YIPF1: variants seen among roughly 807,000 people sequenced by gnomAD.
YIPF1 encodes the protein protein YIPF1.
YIPF1 carries 22 observed loss-of-function variants against 37.0 expected under a neutral mutation model. The observed-to-expected ratio is 0.59, with a 90% CI of 0.42 to 0.85. The LOEUF is 0.85. Among genes scored for constraint, YIPF1 ranks in the 40% least tolerant of loss-of-function variants. YIPF1 has a pLI of 0.00. For synonymous variants in YIPF1, 128 were observed against 131.9 expected (o/e 0.97, Z 0.21); for missense variants, 355 against 373.1 (o/e 0.95, Z 0.40).
At chr1:53,861,198 C>T (rs1365048363) in intron 9 of YIPF1, among the ~76,000 whole-genome samples, 1 of 152,182 alleles carries the variant, frequency 6.6e-6, no homozygotes, top group Admixed American at 6.5e-5. Context: ...CCCAAAGCAA[C>T]TCTATTACTT....
At chr1:53,859,781 T>C (rs982842192) in intron 10 of YIPF1, among the ~76,000 whole-genome samples, 26 of 152,216 alleles carry the variant, frequency 1.7e-4, no homozygotes, top group Admixed American at 1.4e-3. Flanking sequence ...GAGAGTCCCC[T>C]CTACTGGGAC....
intron 3 of YIPF1, among the ~76,000 whole-genome samples, chr1:53,888,313 T>A (rs1650710238): frequency 6.6e-6 from 1 of 152,208 alleles, no homozygotes; most frequent in African/African-American, 2.4e-5. Context: ...CTCCTTGAAC[T>A]TTTCCTCCAG....
intron 3 of YIPF1, among the ~76,000 whole-genome samples, chr1:53,887,263 G>A (rs1018732134): frequency 7.2e-5 from 11 of 151,750 alleles, no homozygotes; most frequent in African/African-American, 2.7e-4. Context: ...TATTTTTAGT[G>A]GAGACAGGGT....
intron 4 of YIPF1, among the ~76,000 whole-genome samples, chr1:53,879,592 G>A (rs898855982): frequency 1.3e-5 from 2 of 152,222 alleles, no homozygotes; most frequent in African/African-American, 4.8e-5. Context: ...GTGGCAGAAT[G>A]CATGCCCAAT....
intron 10 of YIPF1, among the ~76,000 whole-genome samples, chr1:53,854,760 TC>T (rs1649679836): frequency 6.6e-6 from 1 of 152,178 alleles, no homozygotes; most frequent in Non-Finnish European, 1.5e-5. Context: ...AGTAAAGATT[TC>T]CCAAGTAACC....
chr1:53,878,062 A>G (rs1269778333), intron 6 of YIPF1, among the ~76,000 whole-genome samples: 1 of 152,234 alleles, frequency 6.6e-6, no homozygotes, highest in East Asian at 1.9e-4. Context: ...GATTATAGGC[A>G]TGAGCCACTG....
At chr1:53,878,954 C>T (rs1317824673) in intron 4 of YIPF1, among the ~76,000 whole-genome samples, 3 of 152,176 alleles carry the variant, frequency 2.0e-5, no homozygotes, top group Non-Finnish European at 4.4e-5. Context: ...GGCCCCTCCA[C>T]TGAGGGGAGC....
chr1:53,862,786 A>G (rs1649918086), intron 9 of YIPF1, among the ~76,000 whole-genome samples: 1 of 152,132 alleles, frequency 6.6e-6, no homozygotes, highest in South Asian at 2.1e-4. Context: ...TGCTGCATAT[A>G]TCATTCAATC....
At chr1:53,883,068 A>G in intron 4 of YIPF1, 45 bp downstream of exon 4, 1 of 1,526,326 alleles carries the variant, frequency 6.6e-7, no homozygotes, top group Non-Finnish European at 8.8e-7. Flanking sequence ...CACATAAACA[A>G]GCTTTAAAAA....
intron 7 of YIPF1, among the ~76,000 whole-genome samples, chr1:53,869,895 C>A (rs902405616): frequency 7.4e-6 from 1 of 134,264 alleles, no homozygotes; most frequent in Non-Finnish European, 1.5e-5. Context: ...TTTTTTGAGA[C>A]AGAGTCTCTC....
At chr1:53,865,530 T>A (rs1489573447) in intron 9 of YIPF1, among the ~76,000 whole-genome samples, 1 of 152,170 alleles carries the variant, frequency 6.6e-6, no homozygotes, top group East Asian at 1.9e-4. Flanking sequence ...GTACACCATT[T>A]TTATATAGAG....
chr1:53,866,672 T>A, intron 8 of YIPF1, 86 bp downstream of exon 8: 1 of 1,458,334 alleles, frequency 6.9e-7, no homozygotes, highest in Non-Finnish European at 9.3e-7. Flanking sequence ...GCGCTGGAAA[T>A]AATGATGGTA....
chr1:53,885,248 A>T (rs566056627), intron 3 of YIPF1, among the ~76,000 whole-genome samples: 2 of 152,348 alleles, frequency 1.3e-5, no homozygotes, highest in South Asian at 2.1e-4. Flanking sequence ...GGGCAATGAC[A>T]TTTAAAAAGA....
Position 53,864,142 on chromosome 1 carries a change from T to C in YIPF1, c.831+2058A>G, listed in dbSNP as rs1334130129. Among the ~76,000 whole-genome samples the C allele has an allele frequency of 2.6e-5, 4 of 152,296 alleles. No homozygotes were observed. In the South Asian group the frequency reaches 6.2e-4, roughly 24 times the overall value. ...GAAATGAGAAGGGCAATGCCTCCTC[T>C]CCTGCCTCCTTCTCCTCACCAACTT... On this transcript the variant is annotated intron_variant, in intron 9 of 10. Transcript: ENST00000072644.
At chr1:53,867,435 C>T (rs1369661451) in intron 7 of YIPF1, among the ~76,000 whole-genome samples, 3 of 142,852 alleles carry the variant, frequency 2.1e-5, no homozygotes, top group Non-Finnish European at 3.0e-5. Context: ...TGCAGTGGCG[C>T]GATCTAGGCT....
chr1:53,876,462 C>G (rs538747434), intron 6 of YIPF1, among the ~76,000 whole-genome samples: 1 of 152,314 alleles, frequency 6.6e-6, no homozygotes, highest in South Asian at 2.1e-4. Context: ...AAAACCTAAT[C>G]CTCTCTGCTA....
rs1486397439 is a variant in YIPF1 at position 53,866,925 on chromosome 1, C to CT, written c.482-2dup. The CT allele has an allele frequency of 1.2e-6, 2 of 1,606,684 alleles. No individual in the cohort carries two copies. Among genetic ancestry groups the CT allele is most frequent in the East Asian group, 4.5e-5 (2 of 44,852 alleles). ...TAGATGATGGTAGCTGCTATGGACA[C>CT]TGAGGATGACAGGACACAAGTTTCA... On this transcript the variant is annotated splice_acceptor_variant, in intron 7 of 10. Coordinates refer to ENST00000072644, the MANE Select transcript of YIPF1 (RefSeq NM_018982.5). LOFTEE classifies it high-confidence loss of function.
At chr1:53,863,079 C>A (rs564512275) in intron 9 of YIPF1, among the ~76,000 whole-genome samples, 3 of 152,190 alleles carry the variant, frequency 2.0e-5, no homozygotes, top group Non-Finnish European at 2.9e-5. Context: ...GAAAACTGAG[C>A]CTTCCTCTCC....
chr1:53,865,975 T>A (rs2100726436), intron 9 of YIPF1, among the ~76,000 whole-genome samples: 1 of 152,194 alleles, frequency 6.6e-6, no homozygotes, highest in East Asian at 1.9e-4. Context: ...CTAATTTTTG[T>A]ATTTTTAGTA....
Sources: gnomAD v4.1 joint callset for allele counts (sites outside exome capture counted in the v4.1 genomes callset) on GRCh38, gnomAD v4.1.1 for gene constraint, MANE v1.5 for transcripts, NCBI Gene and HGNC (gene_info 2026-07-23, HGNC 2026-07-21) for gene names.